The following ZNF107 variants were observed in gnomAD, a reference collection of about 807,000 sequenced individuals.
ZNF107 encodes the protein zinc finger protein 107, also known as C2H2 type zinc-finger protein.
A neutral mutation model predicts 12.3 loss-of-function variants in ZNF107; 19 were observed. That is an observed-to-expected ratio of 1.55 (90% CI 1.08 to 2.27). ZNF107 has a LOEUF of 2.27. ZNF107 is among the 30% of genes most tolerant of loss of function. The pLI, the probability that ZNF107 is intolerant of heterozygous loss-of-function variation, is 0.00. For synonymous variants in ZNF107, 317 were observed against 330.5 expected, an observed-to-expected ratio of 0.96 and a Z score of 0.44; for missense variants, 958 against 979.9, an observed-to-expected ratio of 0.98 and a Z score of 0.30.
intron 3 of ZNF107, among the ~76,000 whole-genome samples, chr7:64,705,630 T>G (rs1464163754): frequency 6.6e-6 from 1 of 152,018 alleles, no homozygotes; most frequent in Non-Finnish European, 1.5e-5. Flanking sequence ...ACCATTTGTC[T>G]TGAGTAGTGA....
Position 64,702,174 on chromosome 7 carries a change from A to T in ZNF107, c.227-4150A>T, listed in dbSNP as rs562815337. Among the ~76,000 whole-genome samples the T allele has an allele frequency of 1.1e-4, 17 of 151,140 alleles. No homozygotes were observed. In the South Asian group the frequency reaches 3.5e-3, roughly 32 times the overall value. ...AGTTTTATTTTTTTTTTTGAGACGG[A>T]GTCTTGCTCTGTCGCCCAGGCTGGA... is the stretch of plus-strand genomic sequence containing the variant. On this transcript the variant is annotated intron_variant, in intron 3 of 3. Transcript: ENST00000620827.
intron 1 of ZNF107, chr7:64,669,234 T>G (rs1789130696): frequency 6.6e-6 from 1 of 151,736 alleles, no homozygotes; most frequent in Non-Finnish European, 1.5e-5. Context: ...CAGGCTGGCC[T>G]TGAACTCCTG....
intron 1 of ZNF107, among the ~76,000 whole-genome samples, chr7:64,671,818 G>A (rs1789238708): frequency 8.3e-6 from 1 of 120,960 alleles, no homozygotes; most frequent in African/African-American, 3.2e-5. Context: ...GTCTCGCTCT[G>A]TTGCCCAGGC....
At chr7:64,672,191 A>G (rs1342688657) in intron 1 of ZNF107, among the ~76,000 whole-genome samples, 2 of 151,950 alleles carry the variant, frequency 1.3e-5, no homozygotes, top group Non-Finnish European at 2.9e-5. Context: ...ATGAGAAAAT[A>G]TATTTGGTTT....
chr7:64,693,314 GTT>G (rs376161398), intron 3 of ZNF107, among the ~76,000 whole-genome samples: 1 of 134,966 alleles, frequency 7.4e-6, no homozygotes, highest in East Asian at 2.1e-4. Flanking sequence ...CGCCTGGCCA[GTT>G]TTTTTTTTTT....
intron 1 of ZNF107, among the ~76,000 whole-genome samples, chr7:64,685,085 T>C (rs1329638470): frequency 1.3e-5 from 2 of 151,748 alleles, no homozygotes; most frequent in Admixed American, 1.3e-4. Flanking sequence ...AACTTCTCCA[T>C]CAATGAAATG....
At position 64,707,502 on chromosome 7, in the gene ZNF107, A is replaced by G; in HGVS notation, c.1405A>G (p.Ile469Val). Residue 469 changes from isoleucine (I) to valine (V), a missense_variant, in exon 4 of 4, where the codon ATT becomes GTT. Transcript: ENST00000620827. ...GKAFNQHSNL[I>V]NHRKIYSGEK... The stretch of plus-strand genomic sequence containing the variant: ...AGCTTTTAACCAACACTCAAACCTA[A>G]TTAACCATAGGAAAATTTATTCTGG... The G allele has an allele frequency of 1.9e-6, 3 of 1,613,496 alleles. No individual in the cohort carries two copies. Among genetic ancestry groups the G allele is most frequent in the Non-Finnish European group, 2.5e-6 (3 of 1,179,694 alleles).
chr7:64,670,647 A>G (rs976318216), intron 1 of ZNF107, among the ~76,000 whole-genome samples: 1 of 152,252 alleles, frequency 6.6e-6, no homozygotes, highest in Non-Finnish European at 1.5e-5. Context: ...TTCTTTTCAT[A>G]AACTGTTCCT....
intron 3 of ZNF107, among the ~76,000 whole-genome samples, chr7:64,698,962 G>A (rs932740961): frequency 2.6e-5 from 4 of 151,730 alleles, no homozygotes; most frequent in East Asian, 1.9e-4. Context: ...TTTTGTACTC[G>A]TGGCAACTTT....
In ZNF107 at chr7:64,708,165, T is replaced by G; in HGVS notation, c.2068T>G (p.Ser690Ala). Residue 690 changes from serine (S) to alanine (A), a missense_variant, in exon 4 of 4, where the codon TCA becomes GCA. Physicochemically the swap from Ser to Ala is moderately conservative, Grantham distance 99 (BLOSUM62 1). Transcript: ENST00000620827. ...ATGTGGAAAAGCTTATAACCGATTC[T>G]CAAACCTAACTATACATAAGAGAAT... ...EECGKAYNRF[S>A]NLTIHKRIHT... The G allele has an allele frequency of 6.2e-7, 1 of 1,611,476 alleles. No individual in the cohort carries two copies. The highest frequency in any genetic ancestry group is 2.2e-5 in the East Asian group (1 of 44,816).
intron 1 of ZNF107, among the ~76,000 whole-genome samples, chr7:64,677,538 A>G (rs368643273): frequency 1.3e-5 from 2 of 149,974 alleles, no homozygotes; most frequent in African/African-American, 4.9e-5. Context: ...TTTCAGTTGC[A>G]TACAGTGTGC....
chr7:64,688,890 A>G (rs73136793), intron 1 of ZNF107, among the ~76,000 whole-genome samples: 4,935 of 152,280 alleles, frequency 0.032, 113 homozygotes, highest in Non-Finnish European at 0.049. Flanking sequence ...TGTTTATCCA[A>G]TCAATAATCA....
intron 1 of ZNF107, among the ~76,000 whole-genome samples, chr7:64,677,595 T>A (rs1303352681): frequency 6.6e-6 from 1 of 151,446 alleles, no homozygotes; most frequent in African/African-American, 2.4e-5. Flanking sequence ...GGCTCACGCC[T>A]GTAATCCCAG....
chr7:64,702,836 G>T (rs1376563924), intron 3 of ZNF107, among the ~76,000 whole-genome samples: 1 of 152,182 alleles, frequency 6.6e-6, no homozygotes, highest in East Asian at 1.9e-4. Flanking sequence ...TGGGATTATA[G>T]GCGTGAGCCA....
At chr7:64,673,277 C>T (rs962949322) in intron 1 of ZNF107, among the ~76,000 whole-genome samples, 7 of 152,058 alleles carry the variant, frequency 4.6e-5, no homozygotes, top group Admixed American at 1.3e-4. Flanking sequence ...CTCCTGACCT[C>T]GTGATCCACC....
At chr7:64,703,359 T>C (rs1393671299) in intron 3 of ZNF107, among the ~76,000 whole-genome samples, 2 of 152,050 alleles carry the variant, frequency 1.3e-5, no homozygotes, top group East Asian at 3.9e-4. Flanking sequence ...TGAATGGTTG[T>C]TCAATTTTGT....
In ZNF107 at chr7:64,707,575, C is replaced by G; in HGVS notation, c.1478C>G (p.Ser493Cys). The G allele has an allele frequency of 6.2e-7, 1 of 1,612,370 alleles. No homozygotes were observed. The highest frequency in any genetic ancestry group is 8.5e-7 in the Non-Finnish European group (1 of 1,179,424). The change falls in exon 4 of 4, where the codon TCC (serine) becomes TGC (cysteine). Residue 493 changes from serine to cysteine, a missense_variant. Transcript: ENST00000620827. The stretch of plus-strand genomic sequence containing the variant: ...GAATGTGGAAAAGCTTTTAATCGAT[C>G]CTCAACCCTTACTAGACATAAGAAA... ...CEECGKAFNR[S>C]STLTRHKKIH...
Position 64,706,665 on chromosome 7 carries a change from C to T in ZNF107, c.568C>T (p.Gln190Ter), listed in dbSNP as rs1215528095. The change falls in exon 4 of 4, where the codon CAG becomes TAG. Residue 190 changes from glutamine (Q) to a stop codon, truncating the protein, a stop_gained. Transcript: ENST00000620827. LOFTEE classifies it low-confidence loss of function (END_TRUNC). ...KSFCVLSQLTQHRRIHTRVNS... is the reference protein window; with the variant it reads ...KSFCVLSQLT ...ATTTTGCGTGCTTTCACAACTAACTCAGCATAGAAGAATTCATACTAGAGT... is the reference window on the plus strand; with the variant it reads ...ATTTTGCGTGCTTTCACAACTAACTTAGCATAGAAGAATTCATACTAGAGT... 2.5e-6 allele frequency: 4 copies of T among 1,613,320 alleles called. No homozygotes were observed. The highest frequency in any genetic ancestry group is 3.4e-6 in the Non-Finnish European group (4 of 1,179,602).
At position 64,708,739 on chromosome 7, in the gene ZNF107, C is replaced by G; in HGVS notation, c.*83C>G. 1 of 1,371,912 alleles carries G rather than the reference C, an allele frequency of 7.3e-7. No individual in the cohort carries two copies. The highest frequency in any genetic ancestry group is 9.8e-7 in the Non-Finnish European group (1 of 1,015,856). 85.0% of individuals were successfully genotyped at this position (1,371,912 alleles called of 1,614,324 possible). On this transcript the variant is annotated 3_prime_UTR_variant, in exon 4 of 4. Transcript: ENST00000620827. ...GTGAAGAATGTGTTAAAGCCTTTAA[C>G]AAGTCTTCAACTTTTTCTGCACACA...
Sources: gnomAD v4.1 joint callset for allele counts (sites outside exome capture counted in the v4.1 genomes callset) on GRCh38, gnomAD v4.1.1 for gene constraint, MANE v1.5 for transcripts, NCBI Gene and HGNC (gene_info 2026-07-23, HGNC 2026-07-21) for gene names.